PTPRD: variants seen among roughly 807,000 people sequenced by gnomAD.
PTPRD encodes receptor-type tyrosine-protein phosphatase delta.
In PTPRD, 34 loss-of-function variants were observed where a neutral mutation model predicts 214.5. That is an observed-to-expected ratio of 0.16 (90% confidence interval 0.12 to 0.21). The LOEUF is 0.21. Among genes scored for constraint, PTPRD ranks in the 10% least tolerant of loss-of-function variants. The pLI is 1.00. For synonymous variants in PTPRD, 1,128 were observed against 845.7 expected (o/e 1.33, Z -5.79); for missense variants, 2,545 against 2,398.7 (o/e 1.06, Z -1.27).
At chr9:9,445,015 A>C (rs1048808853) in intron 8 of PTPRD, among the ~76,000 whole-genome samples, 1 of 152,134 alleles carries the variant, frequency 6.6e-6, no homozygotes, top group Non-Finnish European at 1.5e-5. Context: ...TTCTTGATCA[A>C]ATTTTAAAAA....
At chr9:9,266,954 T>C (rs1940091495) in intron 9 of PTPRD, among the ~76,000 whole-genome samples, 1 of 150,890 alleles carries the variant, frequency 6.6e-6, no homozygotes, top group Admixed American at 6.6e-5. Context: ...TTTCAGAGCA[T>C]AAATAAATGA....
At chr9:10,574,394 G>C (rs1292439277) in intron 2 of PTPRD, among the ~76,000 whole-genome samples, 2 of 152,062 alleles carry the variant, frequency 1.3e-5, no homozygotes, top group African/African-American at 2.4e-5. Flanking sequence ...AAGCAGCATA[G>C]TATATTGAAA....
intron 9 of PTPRD, among the ~76,000 whole-genome samples, chr9:9,267,005 AAG>A (rs1243258517): frequency 1.3e-5 from 2 of 151,330 alleles, no homozygotes; most frequent in Non-Finnish European, 3.0e-5. Flanking sequence ...CAACAAAACT[AAG>A]AGTTCATTTT....
chr9:8,451,902 A>G (rs1261069418), intron 33 of PTPRD: 3 of 500,916 alleles, frequency 6.0e-6, no homozygotes, highest in African/African-American at 3.9e-5. Flanking sequence ...TCTTACAGGT[A>G]TTGTAGGGTA....
At position 8,892,605 on chromosome 9, in the gene PTPRD, GTGTGTATATATA is replaced by G. The variant is rs1324025822; in HGVS notation, c.-104+126080_-104+126091del. ...TGTGTATATATATGTGTATATATAT[GTGTGTATATATA>G]TGTGTATATATATGTGTGTATATAT... is the stretch of plus-strand genomic sequence containing the variant. On this transcript the variant is annotated intron_variant, in intron 11 of 45. Coordinates refer to ENST00000381196, the MANE Select transcript of PTPRD (RefSeq NM_002839.4). Among the ~76,000 whole-genome samples the G allele has an allele frequency of 4.9e-3, 721 of 147,898 alleles. 3 individuals are homozygous for G. The highest frequency in any genetic ancestry group is 8.3e-3 in the Non-Finnish European group (554 of 66,966).
At chr9:9,775,979 A>AAAAG (rs1555038117) in intron 5 of PTPRD, among the ~76,000 whole-genome samples, 63 of 148,598 alleles carry the variant, frequency 4.2e-4, no homozygotes, top group Middle Eastern at 3.5e-3. Context: ...AAAAAAAAAA[A>AAAAG]GCAAATCCTT....
chr9:8,475,700 T>G lies in PTPRD; in HGVS notation c.3414-4615A>C, dbSNP rs547999789. 3.3e-5 allele frequency among the ~76,000 whole-genome samples: 5 copies of G among 152,342 alleles called. No homozygotes were observed. The South Asian group carries it at 8.3e-4, about 25-fold the overall frequency. On this transcript the variant is annotated intron_variant, in intron 30 of 45. Transcript: ENST00000381196. ...CATTTCAGTGCACAAGCCAGAAACC[T>G]AGGTGTTATCATTGACAATCTGCCT...
chr9:9,949,200 A>G (rs894895988), intron 4 of PTPRD, among the ~76,000 whole-genome samples: 3 of 152,088 alleles, frequency 2.0e-5, no homozygotes, highest in South Asian at 2.1e-4. Context: ...ATTAATGTTT[A>G]TGAGTTTCTC....
At chr9:9,083,424 A>T (rs769393028) in intron 10 of PTPRD, among the ~76,000 whole-genome samples, 1 of 152,222 alleles carries the variant, frequency 6.6e-6, no homozygotes, top group Non-Finnish European at 1.5e-5. Flanking sequence ...AAAGACTTCA[A>T]TGTAAGACCC....
chr9:9,157,717 T>C (rs2099882471), intron 10 of PTPRD, among the ~76,000 whole-genome samples: 1 of 152,210 alleles, frequency 6.6e-6, no homozygotes, highest in Non-Finnish European at 1.5e-5. Flanking sequence ...TTTTTTTTCT[T>C]TCAACTTTTA....
chr9:8,889,570 AGT>A (rs972827716), intron 11 of PTPRD, among the ~76,000 whole-genome samples: 1 of 152,200 alleles, frequency 6.6e-6, no homozygotes, highest in African/African-American at 2.4e-5. Flanking sequence ...TCACCTGAGC[AGT>A]GTACACTGTG....
intron 10 of PTPRD, among the ~76,000 whole-genome samples, chr9:9,160,284 A>G (rs1310149375): frequency 1.3e-5 from 2 of 152,140 alleles, no homozygotes; most frequent in East Asian, 3.9e-4. Flanking sequence ...ATATTTGCAA[A>G]CCATTAATGT....
At chr9:8,649,075 A>C (rs2096753136) in intron 12 of PTPRD, among the ~76,000 whole-genome samples, 1 of 152,242 alleles carries the variant, frequency 6.6e-6, no homozygotes, top group South Asian at 2.1e-4. Flanking sequence ...GGAAAGAAAG[A>C]GAAAAATAAA....
At chr9:9,706,757 C>A (rs372165845) in intron 7 of PTPRD, among the ~76,000 whole-genome samples, 67 of 152,088 alleles carry the variant, frequency 4.4e-4, no homozygotes, top group South Asian at 8.3e-4. Context: ...TCTTAAAAAA[C>A]TCCATTGAGT....
At chr9:10,333,178 G>C (rs2096782401) in intron 3 of PTPRD, among the ~76,000 whole-genome samples, 1 of 151,898 alleles carries the variant, frequency 6.6e-6, no homozygotes, top group Non-Finnish European at 1.5e-5. Context: ...GGAAGTAAGA[G>C]TTGTGTTCTG....
intron 17 of PTPRD, 182 bp from the exon 18 acceptor site, chr9:8,525,217 AT>A (rs35751005): frequency 0.26 from 141,372 of 537,542 alleles, 4,104 homozygotes; most frequent in South Asian, 0.35. Flanking sequence ...TATAGAGATT[AT>A]TTTTTTTTTT....
intron 3 of PTPRD, among the ~76,000 whole-genome samples, chr9:10,153,238 G>C (rs1185118645): frequency 1.3e-5 from 2 of 151,796 alleles, no homozygotes; most frequent in Non-Finnish European, 2.9e-5. Flanking sequence ...ACTGTAATGT[G>C]TACATACATC....
chr9:8,336,782 G>A (rs1847289829), intron 43 of PTPRD, among the ~76,000 whole-genome samples: 1 of 152,166 alleles, frequency 6.6e-6, no homozygotes, highest in Admixed American at 6.5e-5. Flanking sequence ...TCATCAAAAA[G>A]TGGGCAAAGG....
intron 10 of PTPRD, among the ~76,000 whole-genome samples, chr9:9,152,755 T>C (rs958924301): frequency 6.6e-6 from 1 of 152,330 alleles, no homozygotes; most frequent in Middle Eastern, 3.4e-3. Flanking sequence ...CAACACTTAT[T>C]TTCAAGGCTG....
Sources: gnomAD v4.1 joint callset for allele counts (sites outside exome capture counted in the v4.1 genomes callset) on GRCh38, gnomAD v4.1.1 for gene constraint, MANE v1.5 for transcripts, NCBI Gene and HGNC (gene_info 2026-07-23, HGNC 2026-07-21) for gene names.